Variants in ASPRV1 observed in about 807,000 individuals in gnomAD.
ASPRV1 encodes aspartic peptidase retroviral like 1.
ASPRV1 carries 7 observed loss-of-function variants against 11.0 expected under a neutral mutation model. The ratio of observed to expected loss-of-function variants is 0.64; its 90% CI spans 0.36 to 1.20. The LOEUF is 1.20. Ranked by LOEUF, ASPRV1 falls within the 50% of genes most tolerant of loss-of-function variation. The probability of loss-of-function intolerance (pLI) is 0.02; values close to 1 mark genes in which losing one functional copy is unlikely to be tolerated. For missense variants in ASPRV1, 299 were observed against 320.0 expected, an observed-to-expected ratio of 0.93 and a Z score of 0.50; for synonymous variants, 136 against 138.4, an observed-to-expected ratio of 0.98 and a Z score of 0.12.
the ASPRV1 span, among the ~76,000 whole-genome samples, chr2:70,074,827 G>C: frequency 4.6e-5 from 7 of 151,440 alleles, no homozygotes; most frequent in South Asian, 1.5e-3. Context: ...TTAAGAGCAT[G>C]AACTCGGGGC....
At chr2:69,983,554 G>A in the ASPRV1 span, among the ~76,000 whole-genome samples, 1 of 152,170 alleles carries the variant, frequency 6.6e-6, no homozygotes, top group Non-Finnish European at 1.5e-5. Context: ...AGGCTGAGCT[G>A]GGCTGGGCTG....
At chr2:69,990,708 G>C in the ASPRV1 span, among the ~76,000 whole-genome samples, 1 of 152,102 alleles carries the variant, frequency 6.6e-6, no homozygotes, top group Non-Finnish European at 1.5e-5. Flanking sequence ...CCCTGCCTTG[G>C]CCTCCCAAAG....
At chr2:70,034,154 TAAAAA>T in the ASPRV1 span, among the ~76,000 whole-genome samples, 17 of 69,234 alleles carry the variant, frequency 2.5e-4, no homozygotes, top group African/African-American at 7.7e-4. Flanking sequence ...CTCCATCTCA[TAAAAA>T]AAAAAAAAAA....
the ASPRV1 span, among the ~76,000 whole-genome samples, chr2:70,036,260 A>G: frequency 2.0e-5 from 3 of 152,002 alleles, no homozygotes; most frequent in African/African-American, 7.2e-5. Context: ...TGGGCTTGGT[A>G]ATGAAGAGCC....
the ASPRV1 span, among the ~76,000 whole-genome samples, chr2:70,048,107 C>CAAA: frequency 1.7e-3 from 56 of 32,406 alleles, no homozygotes; most frequent in African/African-American, 4.0e-3. Flanking sequence ...GACTCCATCT[C>CAAA]AAAAAAAAAA....
At chr2:69,965,442 CTAAAAA>C (rs1678306360), upstream of ASPRV1, among the ~76,000 whole-genome samples, 1 of 150,748 alleles carries the variant, frequency 6.6e-6, no homozygotes, top group South Asian at 2.1e-4. Flanking sequence ...AGCTGGTGGG[CTAAAAA>C]AAAAACAAAA....
At chr2:70,048,821 G>C in the ASPRV1 span, 1 of 152,182 alleles carries the variant, frequency 6.6e-6, no homozygotes, top group South Asian at 2.1e-4. Context: ...GTTTCTGGTG[G>C]TTATCAGCAA....
the ASPRV1 span, among the ~76,000 whole-genome samples, chr2:70,045,068 G>C: frequency 2.0e-5 from 3 of 152,154 alleles, no homozygotes; most frequent in African/African-American, 4.8e-5. Context: ...TCTATATATA[G>C]AATCTAGTAT....
chr2:70,068,947 A>T, the ASPRV1 span, among the ~76,000 whole-genome samples: 7 of 44,140 alleles, frequency 1.6e-4, no homozygotes, highest in Admixed American at 1.1e-3. Flanking sequence ...CTCTTGTCTC[A>T]AAAAAAAAAA....
the ASPRV1 span, among the ~76,000 whole-genome samples, chr2:70,033,136 T>A: frequency 2.0e-5 from 3 of 152,068 alleles, no homozygotes; most frequent in Non-Finnish European, 4.4e-5. Flanking sequence ...CTCTTCATAG[T>A]CCCTTTGGCT....
chr2:69,982,209 T>C, the ASPRV1 span, among the ~76,000 whole-genome samples: 1 of 151,318 alleles, frequency 6.6e-6, no homozygotes, highest in African/African-American at 2.4e-5. Context: ...CTAGGCATGG[T>C]GGCTCATGCC....
chr2:69,937,049 AGAGTCAGACGAAGCCAG>A, the ASPRV1 span: 1 of 780,648 alleles, frequency 1.3e-6, no homozygotes, highest in African/African-American at 1.7e-5. Flanking sequence ...GCGATGCTGA[AGAGTCAGACGAAGCCAG>A]GAGTCACTGG....
At chr2:70,008,985 A>C in the ASPRV1 span, among the ~76,000 whole-genome samples, 1 of 152,220 alleles carries the variant, frequency 6.6e-6, no homozygotes, top group Non-Finnish European at 1.5e-5. Context: ...AAAGCCAGAG[A>C]TGCCTGAAGA....
the ASPRV1 span, among the ~76,000 whole-genome samples, chr2:70,077,781 G>C: frequency 9.9e-5 from 15 of 152,102 alleles, no homozygotes; most frequent in African/African-American, 3.6e-4. Flanking sequence ...CTTGAATACG[G>C]GAGGCAGAGG....
At chr2:69,968,815 G>A in the ASPRV1 span, among the ~76,000 whole-genome samples, 16 of 152,146 alleles carry the variant, frequency 1.1e-4, no homozygotes, top group African/African-American at 3.1e-4. Context: ...CCCGACTGTG[G>A]CTCAGTGTCC....
chr2:70,060,542 G>C, the ASPRV1 span, among the ~76,000 whole-genome samples: 9 of 152,172 alleles, frequency 5.9e-5, no homozygotes, highest in Non-Finnish European at 1.2e-4. Context: ...GCCGGGCACA[G>C]TGGCTTACGC....
At chr2:70,079,695 A>G in the ASPRV1 span, among the ~76,000 whole-genome samples, 1 of 152,208 alleles carries the variant, frequency 6.6e-6, no homozygotes, top group African/African-American at 2.4e-5. Flanking sequence ...TGCTACTGAG[A>G]TATCAAGAAT....
chr2:69,993,951 A>G, the ASPRV1 span: 1 of 152,260 alleles, frequency 6.6e-6, no homozygotes, highest in Non-Finnish European at 1.5e-5. Context: ...CACAGATGTC[A>G]GCGAAGCTTG....
the ASPRV1 span, chr2:70,012,072 G>A: frequency 3.3e-5 from 5 of 152,134 alleles, no homozygotes; most frequent in Admixed American, 1.3e-4. Context: ...AGTACCCATG[G>A]TCGTATAGGC....
Sources: gnomAD v4.1 joint callset for allele counts (sites outside exome capture counted in the v4.1 genomes callset) on GRCh38, gnomAD v4.1.1 for gene constraint, MANE v1.5 for transcripts, NCBI Gene and HGNC (gene_info 2026-07-23, HGNC 2026-07-21) for gene names.